CD44: variants seen among roughly 807,000 people sequenced by gnomAD.
CD44 encodes CD44 antigen.
A neutral mutation model predicts 88.8 loss-of-function variants in CD44; 49 were observed. That is an observed-to-expected ratio of 0.55 (90% CI 0.44 to 0.70). CD44 has a LOEUF of 0.70. Ranked by LOEUF, CD44 falls within the 30% of genes least tolerant of loss-of-function variation. The pLI, the probability that CD44 is intolerant of heterozygous loss-of-function variation, is 0.00. For synonymous variants in CD44, 325 were observed against 312.3 expected (o/e 1.04, Z -0.43); for missense variants, 883 against 913.8 (o/e 0.97, Z 0.43).
intron 6 of CD44, chr11:35,197,830 G>A (rs1946912951): frequency 3.2e-6 from 1 of 310,282 alleles, no homozygotes; most frequent in Admixed American, 4.5e-5. Flanking sequence ...TGAAAGTGTG[G>A]GGGAGTTTTC....
intron 1 of CD44, 47 bp downstream of exon 1, chr11:35,139,417 C>T (rs1857444210): frequency 6.6e-7 from 1 of 1,514,210 alleles, no homozygotes. Context: ...GCGGGGTGCT[C>T]AGCGCGGACC....
intron 3 of CD44, among the ~76,000 whole-genome samples, chr11:35,182,479 A>G (rs1174434568): frequency 6.6e-6 from 1 of 152,216 alleles, no homozygotes; most frequent in East Asian, 1.9e-4. Flanking sequence ...ATATGAGTGA[A>G]GAACACAAAT....
chr11:35,156,291 C>T (rs766437209), intron 1 of CD44, among the ~76,000 whole-genome samples: 2 of 152,166 alleles, frequency 1.3e-5, no homozygotes, highest in African/African-American at 2.4e-5. Flanking sequence ...ATGAATCCAA[C>T]ATCATGGGAG....
At chr11:35,144,256 A>G (rs537764383) in intron 1 of CD44, among the ~76,000 whole-genome samples, 1 of 152,160 alleles carries the variant, frequency 6.6e-6, no homozygotes, top group Non-Finnish European at 1.5e-5. Context: ...CTTCCCCGGC[A>G]CCTTCGCTTT....
intron 10 of CD44, chr11:35,204,903 T>G (rs532184547): frequency 4.6e-4 from 166 of 357,420 alleles, no homozygotes; most frequent in African/African-American, 3.2e-3. Flanking sequence ...TCACATCGAG[T>G]TTTGGGCATC....
At chr11:35,150,194 T>C (rs117646353) in intron 1 of CD44, among the ~76,000 whole-genome samples, 1,806 of 152,320 alleles carry the variant, frequency 0.012, 19 homozygotes, top group Middle Eastern at 0.037. Context: ...CCCCTGTAAC[T>C]TGTTGGCACA....
chr11:35,194,879 G>A (rs920013853), intron 5 of CD44, among the ~76,000 whole-genome samples: 5 of 152,228 alleles, frequency 3.3e-5, no homozygotes, highest in Non-Finnish European at 7.3e-5. Context: ...ATGAGAAAAT[G>A]TCCTTTAGAA....
intron 1 of CD44, among the ~76,000 whole-genome samples, chr11:35,152,050 A>G (rs1860421849): frequency 6.6e-6 from 1 of 152,248 alleles, no homozygotes; most frequent in Non-Finnish European, 1.5e-5. Flanking sequence ...TAATGCGAGG[A>G]AAGCTTTTGA....
chr11:35,155,694 C>G (rs1565020368), intron 1 of CD44, among the ~76,000 whole-genome samples: 1 of 152,196 alleles, frequency 6.6e-6, no homozygotes. Flanking sequence ...TGCAACCCAT[C>G]TCAGCACTGT....
intron 1 of CD44, chr11:35,139,630 C>G (rs755771231): frequency 1.4e-6 from 1 of 731,720 alleles, no homozygotes; most frequent in Non-Finnish European, 2.5e-6. Flanking sequence ...CAGTTTTGGG[C>G]GAGGTCGCTA....
intron 7 of CD44, among the ~76,000 whole-genome samples, chr11:35,198,759 A>G (rs1468569104): frequency 6.6e-6 from 1 of 152,062 alleles, no homozygotes; most frequent in Non-Finnish European, 1.5e-5. Flanking sequence ...CGGGCAGATG[A>G]CGAGGTCAGG....
chr11:35,192,985 A>G (rs1441344912), intron 5 of CD44, among the ~76,000 whole-genome samples: 1 of 151,510 alleles, frequency 6.6e-6, no homozygotes, highest in Non-Finnish European at 1.5e-5. Flanking sequence ...CTGTTGTACT[A>G]TTGGGTGAGG....
At chr11:35,195,427 G>C (rs1465222961) in intron 5 of CD44, among the ~76,000 whole-genome samples, 1 of 151,834 alleles carries the variant, frequency 6.6e-6, no homozygotes, top group Non-Finnish European at 1.5e-5. Flanking sequence ...GGTGGGGAGG[G>C]GGGATACAGA....
rs138727645 is a variant in CD44, at chr11:35,147,267, C to T, written c.67+7897C>T. Among the ~76,000 whole-genome samples, 87 of 152,284 alleles carry T rather than the reference C, an allele frequency of 5.7e-4. 2 individuals are homozygous for T. The highest frequency in any genetic ancestry group is 4.1e-3 in the South Asian group (20 of 4,824). ...CTTGGTTCCAGGGTCTTCTCTCCAC[C>T]GGCTAGAATGGATGAGGGAGGGAGA... On this transcript the variant is annotated intron_variant, in intron 1 of 17. Transcript: ENST00000428726.
At chr11:35,219,851 G>T (rs1362222666) in intron 16 of CD44, among the ~76,000 whole-genome samples, 1 of 149,094 alleles carries the variant, frequency 6.7e-6, no homozygotes, top group African/African-American at 2.5e-5. Flanking sequence ...ACTTTCTTTT[G>T]GTTCCCCAAC....
intron 17 of CD44, among the ~76,000 whole-genome samples, chr11:35,225,517 T>A (rs758678459): frequency 1.3e-4 from 19 of 151,928 alleles, no homozygotes; most frequent in Non-Finnish European, 2.2e-4. Context: ...ATCTTCAGAG[T>A]CAGAAGATCC....
chr11:35,163,816 C>A (rs1314325341), intron 1 of CD44, among the ~76,000 whole-genome samples: 1 of 152,046 alleles, frequency 6.6e-6, no homozygotes, highest in African/African-American at 2.4e-5. Context: ...TTGTCTGTAC[C>A]CTCCTAAAGT....
rs562372483 is a variant in CD44 at position 35,227,282 on chromosome 11, C to T, written c.2025-1847C>T. Reference sequence around the variant, plus strand: ...CTCACTGCAGCCTCGACTTCCTGGGCTCAAGTAATTCTCCCACCTCAGCCC... The same window carrying T: ...CTCACTGCAGCCTCGACTTCCTGGGTTCAAGTAATTCTCCCACCTCAGCCC... On this transcript the variant is annotated intron_variant, in intron 17 of 17. Coordinates refer to ENST00000428726, the MANE Select transcript of CD44 (RefSeq NM_000610.4). Among the ~76,000 whole-genome samples the T allele has an allele frequency of 3.3e-5, 5 of 152,302 alleles. No homozygotes were observed. In the East Asian group the frequency reaches 9.6e-4, roughly 29 times the overall value.
chr11:35,223,835 T>G (rs1949499381), intron 17 of CD44, among the ~76,000 whole-genome samples: 1 of 152,178 alleles, frequency 6.6e-6, no homozygotes, highest in Non-Finnish European at 1.5e-5. Context: ...CTGCTTTGAG[T>G]GTCACATTTA....
Sources: allele counts gnomAD v4.1 joint callset (sites outside exome capture counted in the v4.1 genomes callset), GRCh38; gene constraint gnomAD v4.1.1; transcripts MANE v1.5; gene names NCBI Gene and HGNC (gene_info 2026-07-23, HGNC 2026-07-21).